ROBO1: variants seen among roughly 807,000 people sequenced by gnomAD.
The protein encoded by ROBO1 is roundabout homolog 1.
In ROBO1, 149 loss-of-function variants were observed where a neutral mutation model predicts 195.9. The ratio of observed to expected loss-of-function variants is 0.76; its 90% CI spans 0.67 to 0.87. The LOEUF is 0.87. ROBO1 is among the 40% of genes least tolerant of loss of function. ROBO1 has a pLI of 0.00. For synonymous variants in ROBO1, 816 were observed against 733.2 expected (o/e 1.11, Z -1.82); for missense variants, 1,933 against 2,068.3 (o/e 0.93, Z 1.27).
chr3:79,019,233 A>AC (rs1334897907), intron 3 of ROBO1: 1 of 985,482 alleles, frequency 1.0e-6, no homozygotes, highest in Non-Finnish European at 1.2e-6. Flanking sequence ...GCTCGCAGGC[A>AC]CCCCTAAACT....
intron 3 of ROBO1, among the ~76,000 whole-genome samples, chr3:79,104,775 T>C (rs1321972796): frequency 6.6e-6 from 1 of 151,696 alleles, no homozygotes; most frequent in African/African-American, 2.4e-5. Context: ...GAGACAACTG[T>C]CCCCTCGCCC....
intron 5 of ROBO1, among the ~76,000 whole-genome samples, chr3:78,726,440 G>C (rs1231840177): frequency 6.6e-6 from 1 of 152,136 alleles, no homozygotes; most frequent in Non-Finnish European, 1.5e-5. Flanking sequence ...CATGAAGAAT[G>C]AAGTTGTCTA....
intron 2 of ROBO1, among the ~76,000 whole-genome samples, chr3:79,173,324 G>C (rs762727992): frequency 3.9e-5 from 6 of 152,262 alleles, no homozygotes; most frequent in Admixed American, 6.5e-5. Flanking sequence ...CTCAGCTTGC[G>C]GGGAGGTGTG....
At chr3:79,614,979 C>T (rs766616503) in intron 1 of ROBO1, among the ~76,000 whole-genome samples, 1 of 152,030 alleles carries the variant, frequency 6.6e-6, no homozygotes, top group Non-Finnish European at 1.5e-5. Context: ...CTGTCCTCAC[C>T]CCTCAACAGG....
At chr3:79,324,603 G>T (rs898426507) in intron 2 of ROBO1, among the ~76,000 whole-genome samples, 1 of 151,958 alleles carries the variant, frequency 6.6e-6, no homozygotes, top group East Asian at 1.9e-4. Context: ...AAAACAAACA[G>T]ACAAAAAAAG....
chr3:78,914,154 A>T (rs1251376020), intron 4 of ROBO1, among the ~76,000 whole-genome samples: 2 of 152,172 alleles, frequency 1.3e-5, no homozygotes, highest in African/African-American at 2.4e-5. Flanking sequence ...TGTATAAATC[A>T]CTGACTATAT....
At chr3:78,932,525 T>C (rs1576421604) in intron 4 of ROBO1, among the ~76,000 whole-genome samples, 4 of 152,198 alleles carry the variant, frequency 2.6e-5, no homozygotes, top group Admixed American at 2.6e-4. Flanking sequence ...ACAGTTATAT[T>C]GACAGCAGCT....
chr3:78,933,901 T>C (rs2039663888), intron 4 of ROBO1, among the ~76,000 whole-genome samples: 1 of 152,006 alleles, frequency 6.6e-6, no homozygotes, highest in Non-Finnish European at 1.5e-5. Context: ...ATGATCAATT[T>C]CAAGATGGAA....
intron 1 of ROBO1, among the ~76,000 whole-genome samples, chr3:79,729,358 A>C (rs1016963638): frequency 6.6e-6 from 1 of 152,198 alleles, no homozygotes. Flanking sequence ...CTTACTTCAA[A>C]GCCCACACTC....
intron 3 of ROBO1, among the ~76,000 whole-genome samples, chr3:79,062,887 C>T (rs550693583): frequency 5.1e-4 from 78 of 151,870 alleles, no homozygotes; most frequent in Admixed American, 1.5e-3. Flanking sequence ...ATGTAAATGA[C>T]GAGTTGATGG....
chr3:78,755,207 G>A (rs1361738949), intron 4 of ROBO1, among the ~76,000 whole-genome samples: 2 of 152,188 alleles, frequency 1.3e-5, no homozygotes, highest in African/African-American at 4.8e-5. Flanking sequence ...TGGTGGCTCA[G>A]CGCATAATCC....
At chr3:79,271,910 T>C (rs1217700725) in intron 2 of ROBO1, among the ~76,000 whole-genome samples, 1 of 152,030 alleles carries the variant, frequency 6.6e-6, no homozygotes, top group Non-Finnish European at 1.5e-5. Flanking sequence ...TATTTTGAAA[T>C]GTGGATTCTG....
intron 2 of ROBO1, among the ~76,000 whole-genome samples, chr3:79,475,429 C>T (rs1938501149): frequency 6.6e-6 from 1 of 151,924 alleles, no homozygotes; most frequent in African/African-American, 2.4e-5. Flanking sequence ...AATAAAAATG[C>T]TCTCATTTTC....
chr3:79,127,536 C>T (rs912407072), intron 2 of ROBO1, among the ~76,000 whole-genome samples: 3 of 152,238 alleles, frequency 2.0e-5, no homozygotes, highest in East Asian at 1.9e-4. Flanking sequence ...TTAATGTGGA[C>T]GCACACATTT....
At chr3:79,006,124 A>G (rs2108169891) in intron 3 of ROBO1, among the ~76,000 whole-genome samples, 1 of 152,268 alleles carries the variant, frequency 6.6e-6, no homozygotes, top group Admixed American at 6.5e-5. Context: ...TCAGCTCATC[A>G]GGGACTCTTA....
intron 2 of ROBO1, among the ~76,000 whole-genome samples, chr3:79,386,183 G>C (rs1210924187): frequency 6.6e-6 from 1 of 151,990 alleles, no homozygotes; most frequent in Non-Finnish European, 1.5e-5. Context: ...CAGAATATGT[G>C]ATTTAAACTA....
chr3:79,739,112 T>G (rs924675405), intron 1 of ROBO1, among the ~76,000 whole-genome samples: 1 of 152,200 alleles, frequency 6.6e-6, no homozygotes, highest in Non-Finnish European at 1.5e-5. Flanking sequence ...GTTAGCAGGA[T>G]GTAATACTGT....
At chr3:79,526,368 C>A (rs1034168672) in intron 2 of ROBO1, 5 of 152,192 alleles carry the variant, frequency 3.3e-5, no homozygotes, top group Admixed American at 1.3e-4. Flanking sequence ...TTTGTTACCA[C>A]ATGACAAGTA....
intron 2 of ROBO1, among the ~76,000 whole-genome samples, chr3:79,267,456 A>G (rs977035891): frequency 6.6e-6 from 1 of 151,042 alleles, no homozygotes; most frequent in Admixed American, 6.6e-5. Context: ...GTGATGCTTT[A>G]CTCCCTCCAT....
Sources: allele counts gnomAD v4.1 joint callset (sites outside exome capture counted in the v4.1 genomes callset), GRCh38; gene constraint gnomAD v4.1.1; transcripts MANE v1.5; gene names NCBI Gene and HGNC (gene_info 2026-07-23, HGNC 2026-07-21).